Variants in SLC22A2 observed in about 807,000 individuals in gnomAD.
SLC22A2 encodes organic cation transporter 2.
Under a neutral mutation model 60.5 loss-of-function variants are expected in SLC22A2, and 46 were observed. That is an observed-to-expected ratio of 0.76 (90% CI 0.60 to 0.97). The LOEUF (loss-of-function observed/expected upper bound fraction) is 0.97. Ranked by LOEUF, SLC22A2 falls within the 50% of genes least tolerant of loss-of-function variation. The probability of loss-of-function intolerance (pLI) is 0.00; values close to 1 mark genes in which losing one functional copy is unlikely to be tolerated. For missense variants in SLC22A2, 701 were observed against 706.6 expected (o/e 0.99, Z 0.09); for synonymous variants, 303 against 267.0 (o/e 1.13, Z -1.31).
intron 10 of SLC22A2, 120 bp from the exon 11 acceptor site, chr6:160,217,618 G>T: frequency 1.6e-6 from 1 of 631,774 alleles, no homozygotes; most frequent in Non-Finnish European, 2.8e-6. Flanking sequence ...TTCAGGATTA[G>T]TCTTGCAATG....
At chr6:160,230,659 C>T (rs1782807037) in intron 9 of SLC22A2, among the ~76,000 whole-genome samples, 1 of 151,966 alleles carries the variant, frequency 6.6e-6, no homozygotes, top group African/African-American at 2.4e-5. Flanking sequence ...TCCTTGCCTC[C>T]ACTGTGAGAC....
At chr6:160,250,052 G>A (rs1161128129) in intron 3 of SLC22A2, among the ~76,000 whole-genome samples, 4 of 152,224 alleles carry the variant, frequency 2.6e-5, no homozygotes, top group African/African-American at 9.6e-5. Context: ...GGAATAGGAT[G>A]TAAGTTATAT....
rs1783277679 is a variant in SLC22A2, at chr6:160,256,693, A to C, written c.439T>G (p.Trp147Gly). Residue 147 changes from tryptophan to glycine, a missense_variant, in exon 2 of 11, where the codon TGG (tryptophan) becomes GGG (glycine). By Grantham distance (184) the Trp-to-Gly change is radical. Coordinates refer to ENST00000366953, the MANE Select transcript of SLC22A2 (RefSeq NM_003058.4). ...TEFNLVCANS[W>G]MLDLFQSSVN... ...GATGACTGGAATAGGTCCAACATCC[A>C]GGAGTTGGCACATACCAGGTTAAAC... 1 of 1,613,914 alleles carries C rather than the reference A, an allele frequency of 6.2e-7. No homozygotes were observed. The highest frequency in any genetic ancestry group is 2.2e-5 in the East Asian group (1 of 44,884).
At chr6:160,252,827 C>T (rs570667874) in intron 2 of SLC22A2, among the ~76,000 whole-genome samples, 50 of 152,316 alleles carry the variant, frequency 3.3e-4, no homozygotes, top group African/African-American at 1.2e-3. Context: ...CACAGAGCCT[C>T]GGTTTCTTCA....
At position 160,228,178 on chromosome 6, in the gene SLC22A2, C is replaced by T. The variant is rs374909942; in HGVS notation, c.1502-3374G>A. ...CATGTGTGAGATCCAAGAACCCTCT[C>T]TTGGGGTCTGGATCGGACACCTTTC... On this transcript the variant is annotated intron_variant, in intron 9 of 10. Transcript: ENST00000366953. Among the ~76,000 whole-genome samples, 49 of 152,332 alleles carry T rather than the reference C, an allele frequency of 3.2e-4. No individual in the cohort carries two copies. In the South Asian group the frequency reaches 9.5e-3, roughly 30 times the overall value.
intron 10 of SLC22A2, among the ~76,000 whole-genome samples, chr6:160,220,025 A>G (rs972670653): frequency 1.3e-5 from 2 of 152,202 alleles, no homozygotes; most frequent in African/African-American, 4.8e-5. Context: ...AAACAAGAAT[A>G]TGAAGTTTTC....
chr6:160,226,521 A>C (rs1782727168), intron 9 of SLC22A2, among the ~76,000 whole-genome samples: 1 of 152,152 alleles, frequency 6.6e-6, no homozygotes, highest in Non-Finnish European at 1.5e-5. Flanking sequence ...AATAAGGCAA[A>C]CGCTAAGCTG....
chr6:160,233,888 T>G (rs1782868484), intron 9 of SLC22A2, among the ~76,000 whole-genome samples: 1 of 151,784 alleles, frequency 6.6e-6, no homozygotes, highest in African/African-American at 2.4e-5. Flanking sequence ...AATATTTTGT[T>G]TTTTGTTATT....
At chr6:160,230,215 C>T (rs1782795783) in intron 9 of SLC22A2, among the ~76,000 whole-genome samples, 1 of 151,868 alleles carries the variant, frequency 6.6e-6, no homozygotes, top group South Asian at 2.1e-4. Context: ...TTCACCTCCC[C>T]TCCTCACACC....
intron 9 of SLC22A2, among the ~76,000 whole-genome samples, chr6:160,231,963 T>C (rs1326505977): frequency 6.6e-6 from 1 of 152,002 alleles, no homozygotes; most frequent in East Asian, 1.9e-4. Context: ...CTTACTGTTT[T>C]AGCCTAGCCC....
At chr6:160,220,587 C>T (rs765705461) in intron 10 of SLC22A2, among the ~76,000 whole-genome samples, 5 of 152,150 alleles carry the variant, frequency 3.3e-5, no homozygotes, top group Non-Finnish European at 5.9e-5. Context: ...GAGGAATTAC[C>T]ATCTACGGTA....
chr6:160,253,982 A>C (rs1333217353), intron 2 of SLC22A2, among the ~76,000 whole-genome samples: 1 of 152,212 alleles, frequency 6.6e-6, no homozygotes, highest in Admixed American at 6.5e-5. Context: ...TGACACAGTA[A>C]ATATAGCACT....
chr6:160,217,367 G>C lies in SLC22A2; in HGVS notation c.*65C>G. The C allele has an allele frequency of 9.7e-7, 1 of 1,030,000 alleles. No homozygotes were observed. The highest frequency in any genetic ancestry group is 1.5e-6 in the Non-Finnish European group (1 of 663,400). 63.8% of individuals were successfully genotyped at this position (1,030,000 alleles called of 1,614,324 possible). On this transcript the variant is annotated 3_prime_UTR_variant, in exon 11 of 11. Transcript: ENST00000366953. ...TGTATGGGCTTTGTGATGAGTGCAG[G>C]GATTTCTACTTTTGGTCTTGCTGCC...
At chr6:160,241,781 G>A (rs1354342098) in intron 8 of SLC22A2, among the ~76,000 whole-genome samples, 195 bp from the exon 9 acceptor site, 1 of 146,196 alleles carries the variant, frequency 6.8e-6, no homozygotes, top group African/African-American at 2.5e-5. Flanking sequence ...TATACCACCT[G>A]TTTCCCAGAA....
At chr6:160,225,889 G>T (rs1002261904) in intron 9 of SLC22A2, among the ~76,000 whole-genome samples, 16 of 152,086 alleles carry the variant, frequency 1.1e-4, no homozygotes, top group Non-Finnish European at 5.9e-5. Context: ...GTCATTCTTG[G>T]GTATAGGCTG....
intron 2 of SLC22A2, 113 bp downstream of exon 2, chr6:160,256,501 G>T: frequency 2.8e-6 from 2 of 721,680 alleles, no homozygotes; most frequent in Non-Finnish European, 2.5e-6. Flanking sequence ...AAGGCCAGGA[G>T]ATTGTGGTCT....
At chr6:160,245,832 G>A (rs1783085463) in intron 5 of SLC22A2, among the ~76,000 whole-genome samples, 1 of 150,480 alleles carries the variant, frequency 6.6e-6, no homozygotes. Context: ...TGAGTAGCTG[G>A]GATTACAGGC....
At chr6:160,251,474 A>T (rs316014) in intron 2 of SLC22A2, among the ~76,000 whole-genome samples, 109,260 of 152,032 alleles carry the variant, frequency 0.72, 40,342 homozygotes, top group Admixed American at 0.82. Context: ...TAAGTGAGAT[A>T]TTAGAGGTAA....
intron 10 of SLC22A2, among the ~76,000 whole-genome samples, chr6:160,223,135 A>G (rs1237610041): frequency 6.6e-6 from 1 of 152,266 alleles, no homozygotes; most frequent in Non-Finnish European, 1.5e-5. Flanking sequence ...TCAGCAGGCC[A>G]AAAGTGGAGT....
Sources: gnomAD v4.1 joint callset for allele counts (sites outside exome capture counted in the v4.1 genomes callset) on GRCh38, gnomAD v4.1.1 for gene constraint, MANE v1.5 for transcripts, NCBI Gene and HGNC (gene_info 2026-07-23, HGNC 2026-07-21) for gene names.